The following SHANK2 variants were observed in gnomAD, a reference collection of about 807,000 sequenced individuals.
SHANK2 encodes the protein SH3 and multiple ankyrin repeat domains 2.
A neutral mutation model predicts 133.7 loss-of-function variants in SHANK2; 43 were observed. The observed-to-expected ratio is 0.32, with a 90% CI of 0.25 to 0.41. The LOEUF is 0.41. Among genes scored for constraint, SHANK2 ranks in the 10% least tolerant of loss-of-function variants. The pLI is 1.00. For missense variants in SHANK2, 1,994 were observed against 2,235.8 expected, an observed-to-expected ratio of 0.89 and a Z score of 2.18; for synonymous variants, 1,017 against 952.8, an observed-to-expected ratio of 1.07 and a Z score of -1.24.
chr11:70,947,353 A>ATT (rs71049955), intron 10 of SHANK2, among the ~76,000 whole-genome samples: 56,470 of 132,984 alleles, frequency 0.42, 12,750 homozygotes, highest in Non-Finnish European at 0.47. Context: ...TGACATCTAC[A>ATT]TTTTTTTTTT....
At chr11:70,632,376 C>T (rs782240470) in intron 17 of SHANK2, among the ~76,000 whole-genome samples, 78 of 152,182 alleles carry the variant, frequency 5.1e-4, no homozygotes, top group Admixed American at 2.2e-3. Flanking sequence ...CCGCCCGCCT[C>T]AGCCTCCCAA....
chr11:71,087,417 G>C (rs1253418527), intron 8 of SHANK2, among the ~76,000 whole-genome samples: 1 of 152,208 alleles, frequency 6.6e-6, no homozygotes, highest in Non-Finnish European at 1.5e-5. Flanking sequence ...TCTGGCAAAA[G>C]GGCTGGCGGC....
intron 11 of SHANK2, among the ~76,000 whole-genome samples, chr11:70,857,958 A>T (rs1207802904): frequency 1.3e-5 from 2 of 152,056 alleles, no homozygotes; most frequent in African/African-American, 4.8e-5. Context: ...CACCCACCCC[A>T]CCTTGGAATC....
At chr11:70,800,646 C>T (rs1948023817) in intron 13 of SHANK2, among the ~76,000 whole-genome samples, 1 of 152,204 alleles carries the variant, frequency 6.6e-6, no homozygotes, top group Non-Finnish European at 1.5e-5. Flanking sequence ...AACAGATCAG[C>T]CACATCCCAG....
intron 10 of SHANK2, among the ~76,000 whole-genome samples, chr11:70,926,737 G>A (rs536406753): frequency 4.5e-4 from 68 of 152,312 alleles, no homozygotes; most frequent in African/African-American, 1.3e-3. Context: ...GGGCACCTGC[G>A]GGCTGGATGA....
At chr11:70,761,754 C>T (rs1344638497) in intron 14 of SHANK2, among the ~76,000 whole-genome samples, 1 of 152,252 alleles carries the variant, frequency 6.6e-6, no homozygotes, top group Non-Finnish European at 1.5e-5. Flanking sequence ...CCATGCTGTG[C>T]TCCATGGGCC....
chr11:71,068,708 G>T (rs970841443), intron 9 of SHANK2, among the ~76,000 whole-genome samples: 10 of 152,204 alleles, frequency 6.6e-5, no homozygotes, highest in Non-Finnish European at 1.3e-4. Context: ...CTGGAAGCCT[G>T]GCAGCTGTAC....
intron 8 of SHANK2, among the ~76,000 whole-genome samples, chr11:71,085,219 G>A (rs948451581): frequency 1.3e-5 from 2 of 151,892 alleles, no homozygotes; most frequent in African/African-American, 2.4e-5. Flanking sequence ...CACTTTGGGA[G>A]GTTGAGGAGG....
intron 17 of SHANK2, among the ~76,000 whole-genome samples, chr11:70,539,140 G>A (rs2059581327): frequency 6.6e-6 from 1 of 152,172 alleles, no homozygotes. Context: ...AAGGAAGAAG[G>A]GCTGCAGAGG....
At chr11:70,836,655 C>T (rs1405418942) in intron 11 of SHANK2, among the ~76,000 whole-genome samples, 2 of 152,192 alleles carry the variant, frequency 1.3e-5, no homozygotes, top group African/African-American at 4.8e-5. Context: ...CAGGACCACA[C>T]AGAAAGAACC....
chr11:70,486,334 T>G lies in SHANK2; in HGVS notation c.3959A>C (p.Asp1320Ala). The stretch of plus-strand genomic sequence containing the variant: ...CAGGGCGTTGTCCAGCTTAGTGGCG[T>G]CCACGGTGTGCACCATCAGCAGGCC... ...SAGLLMVHTVDATKLDNALQE... is the reference protein window; with the variant it reads ...SAGLLMVHTVAATKLDNALQE... The change falls in exon 25 of 26, where the codon GAC becomes GCC. Residue 1320 changes from aspartate to alanine, a missense_variant. Coordinates refer to ENST00000601538, the MANE Select transcript of SHANK2 (RefSeq NM_012309.5). The surrounding 1 kb of genome is among the most constrained non-coding windows in gnomAD (Gnocchi z 8.0). 1 of 1,613,936 alleles carries G rather than the reference T, an allele frequency of 6.2e-7. No individual in the cohort carries two copies. The highest frequency in any genetic ancestry group is 8.5e-7 in the Non-Finnish European group (1 of 1,180,030).
intron 17 of SHANK2, among the ~76,000 whole-genome samples, chr11:70,589,504 G>C (rs2060294821): frequency 6.6e-6 from 1 of 152,210 alleles, no homozygotes; most frequent in Non-Finnish European, 1.5e-5. Flanking sequence ...TGCTGGAGAT[G>C]TAAAAGGAAA....
chr11:71,159,971 G>GAA (rs34199845), intron 2 of SHANK2, among the ~76,000 whole-genome samples: 1,188 of 114,056 alleles, frequency 0.01, 22 homozygotes, highest in African/African-American at 0.033. Context: ...TGGGTGGCAG[G>GAA]AAAAAAAAAA....
Position 70,653,809 on chromosome 11 carries a change from T to G in SHANK2, c.2061+6019A>C, listed in dbSNP as rs1245022865. On this transcript the variant is annotated intron_variant, in intron 17 of 25. Coordinates refer to ENST00000601538, the MANE Select transcript of SHANK2 (RefSeq NM_012309.5). ...CCACCATGCCCAGCTAATTTTTGTA[T>G]TTTTAGTAGAGACAGGGTTTCACCA... 2.6e-5 allele frequency among the ~76,000 whole-genome samples: 4 copies of G among 152,140 alleles called. No homozygotes were observed. The East Asian group carries it at 7.7e-4, about 29-fold the overall frequency.
At chr11:71,079,605 A>T (rs910952914) in intron 8 of SHANK2, among the ~76,000 whole-genome samples, 14 of 151,442 alleles carry the variant, frequency 9.2e-5, no homozygotes, top group African/African-American at 3.4e-4. Context: ...CTAAAAATAC[A>T]AAAAATTAGC....
intron 3 of SHANK2, among the ~76,000 whole-genome samples, chr11:71,126,370 A>G (rs1555102672): frequency 6.6e-6 from 1 of 152,212 alleles, no homozygotes; most frequent in Non-Finnish European, 1.5e-5. Flanking sequence ...GCTCAGAAAA[A>G]GAGATTCTTT....
chr11:71,183,584 A>C (rs1220944144), intron 2 of SHANK2, among the ~76,000 whole-genome samples: 3 of 152,226 alleles, frequency 2.0e-5, no homozygotes, highest in Non-Finnish European at 4.4e-5. Context: ...CATGCGGCTC[A>C]CAGGCACAAG....
At chr11:70,922,233 C>T (rs140835872) in intron 10 of SHANK2, among the ~76,000 whole-genome samples, 6 of 152,146 alleles carry the variant, frequency 3.9e-5, no homozygotes, top group African/African-American at 1.4e-4. Flanking sequence ...CAAACTGAAG[C>T]ACAGAGAGAA....
chr11:70,566,710 C>T (rs1298260748), intron 17 of SHANK2: 4 of 152,132 alleles, frequency 2.6e-5, no homozygotes, highest in African/African-American at 4.8e-5. Flanking sequence ...GTGAGTGTGC[C>T]CCGAGCAGCT....
Sources: allele counts gnomAD v4.1 joint callset (sites outside exome capture counted in the v4.1 genomes callset), GRCh38; gene constraint gnomAD v4.1.1; non-coding constraint Gnocchi (gnomAD v3.1); transcripts MANE v1.5; gene names NCBI Gene and HGNC (gene_info 2026-07-23, HGNC 2026-07-21).